Variants in COQ10A observed in about 807,000 individuals in gnomAD.
COQ10A encodes the protein coenzyme Q-binding protein COQ10 homolog A, mitochondrial.
COQ10A carries 25 observed loss-of-function variants against 26.1 expected under a neutral mutation model. The ratio of observed to expected loss-of-function variants is 0.96; its 90% confidence interval spans 0.70 to 1.34. The LOEUF (loss-of-function observed/expected upper bound fraction) is 1.34. Among genes scored for constraint, COQ10A ranks in the 40% most tolerant of loss-of-function variants. COQ10A has a pLI of 0.00. For synonymous variants in COQ10A, 132 were observed against 124.0 expected (o/e 1.06, Z -0.43); for missense variants, 312 against 335.4 (o/e 0.93, Z 0.54).
At chr12:56,269,955 C>T (rs1872463304) in intron 4 of COQ10A, 195 bp from the exon 5 acceptor site, 9 of 617,150 alleles carry the variant, frequency 1.5e-5, no homozygotes, top group Non-Finnish European at 1.7e-5. Context: ...GTATAGCTAG[C>T]ATTTCCCAAG....
At chr12:56,268,903 C>G (rs961887733) in intron 2 of COQ10A, 156 bp from the exon 3 acceptor site, 2 of 625,812 alleles carry the variant, frequency 3.2e-6, no homozygotes, top group Non-Finnish European at 2.9e-6. Flanking sequence ...AGGATTTACA[C>G]GTTTGCTTTT....
rs1872430048 is a variant in COQ10A, at chr12:56,269,068, G to T, written c.291G>T (p.Met97Ile). The T allele has an allele frequency of 1.2e-6, 2 of 1,613,592 alleles. No individual in the cohort carries two copies. The highest frequency in any genetic ancestry group is 1.7e-6 in the Non-Finnish European group (2 of 1,179,954). ...ATTCTTCTTCTCCTAGGTACTCAAT[G>T]CAGGAGATGTATGAGGTGGTGTCCA... ...YSERRIMGYSMQEMYEVVSNV... is the reference protein window; with the variant it reads ...YSERRIMGYSIQEMYEVVSNV... Residue 97 changes from methionine (M) to isoleucine (I), a missense_variant, in exon 3 of 5, where the codon ATG (methionine) becomes ATT (isoleucine). Transcript: ENST00000308197.
In COQ10A at chr12:56,269,242, C is replaced by G. The variant is rs1275417071; in HGVS notation, c.465C>G (p.His155Gln). The G allele has an allele frequency of 6.2e-7, 1 of 1,613,918 alleles. No homozygotes were observed. Among genetic ancestry groups the G allele is most frequent in the Non-Finnish European group, 8.5e-7 (1 of 1,179,926 alleles). Residue 155 changes from histidine (H) to glutamine (Q), a missense_variant, in exon 3 of 5, where the codon CAC becomes CAG. By Grantham distance (24) the His-to-Gln change is conservative (BLOSUM62 0). Coordinates refer to ENST00000308197, the MANE Select transcript of COQ10A (RefSeq NM_144576.4). The stretch of plus-strand genomic sequence containing the variant: ...CTGCAGTTTCCATGGTCAAACCTCA[C>G]ATGGTCAAGGTGAGGCCTGTATGGG... ...YTSAVSMVKP[H>Q]MVKAVCTDGK...
rs1278567198 is a variant in COQ10A at position 56,269,255 on chromosome 12, A to C, written c.474+4A>C. The C allele has an allele frequency of 6.2e-7, 1 of 1,612,998 alleles. No individual in the cohort carries two copies. The highest frequency in any genetic ancestry group is 1.1e-5 in the South Asian group (1 of 91,070). On this transcript the variant is annotated splice_donor_region_variant and intron_variant, in intron 3 of 4. Coordinates refer to ENST00000308197, the MANE Select transcript of COQ10A (RefSeq NM_144576.4). ...GGTCAAACCTCACATGGTCAAGGTG[A>C]GGCCTGTATGGGAGGGATTGACAAG...
chr12:56,269,417 A>G (rs747448469), intron 3 of COQ10A, 43 bp from the exon 4 acceptor site: 1 of 1,513,306 alleles, frequency 6.6e-7, no homozygotes, highest in East Asian at 2.3e-5. Flanking sequence ...ATTGTATCCT[A>G]TACTTAGTAA....
Position 56,267,836 on chromosome 12 carries a change from G to T in COQ10A, c.177G>T (p.Gln59His), listed in dbSNP as rs1838740516. The T allele has an allele frequency of 6.2e-7, 1 of 1,614,220 alleles. No individual in the cohort carries two copies. Among genetic ancestry groups the T allele is most frequent in the Non-Finnish European group, 8.5e-7 (1 of 1,180,040 alleles). ...SCSLLLPRAA[Q>H]ILAAEAGLPS... ...GCCTCCTCTTGCCTCGGGCTGCCCA[G>T]ATCTTGGCGGCTGAGGCTGGCTTAC... is the stretch of plus-strand genomic sequence containing the variant. The change falls in exon 2 of 5, where the codon CAG (glutamine) becomes CAT (histidine). Residue 59 changes from glutamine to histidine, a missense_variant. Transcript: ENST00000308197.
chr12:56,269,395 C>T (rs747885769), intron 3 of COQ10A, 65 bp from the exon 4 acceptor site: 6 of 1,483,758 alleles, frequency 4.0e-6, no homozygotes, highest in Non-Finnish European at 5.6e-6. Context: ...AAATGGCTTT[C>T]AATTCCTTTA....
Position 56,268,316 on chromosome 12 carries a change from A to AC in COQ10A, c.281+376_281+377insC, listed in dbSNP as rs534399102. 3.1e-3 allele frequency: 639 copies of AC among 204,412 alleles called. 6 individuals carry two copies. The highest frequency in any genetic ancestry group is 0.013 in the African/African-American group (548 of 42,558). 12.7% of individuals were successfully genotyped at this position (204,412 alleles called of 1,614,324 possible). The stretch of plus-strand genomic sequence containing the variant: ...TGAAACCCTGTCTCCACTAAAAAAA[A>AC]ACACACACACAAGAATCAGCCTGGC... On this transcript the variant is annotated intron_variant, in intron 2 of 4. Coordinates refer to ENST00000308197, the MANE Select transcript of COQ10A (RefSeq NM_144576.4).
At chr12:56,267,537 C>A in intron 1 of COQ10A, 4 of 1,418,716 alleles carry the variant, frequency 2.8e-6, no homozygotes, top group South Asian at 1.2e-5. Flanking sequence ...TAGGCCCAGT[C>A]AAAGGCAACT....
chr12:56,267,062 G>A lies in COQ10A; in HGVS notation c.-57G>A. On this transcript the variant is annotated 5_prime_UTR_variant, in exon 1 of 5. Coordinates refer to ENST00000308197, the MANE Select transcript of COQ10A (RefSeq NM_144576.4). ...CGCTGCCTCTTGCCGCTCCGCCTTT[G>A]GAGTGAGGAGGGCGCAGCCCGCGTC... 1 of 1,247,186 alleles carries A rather than the reference G, an allele frequency of 8.0e-7. No homozygotes were observed. The highest frequency in any genetic ancestry group is 1.0e-6 in the Non-Finnish European group (1 of 996,192). 77.3% of individuals were successfully genotyped at this position (1,247,186 alleles called of 1,614,324 possible).
Position 56,270,347 on chromosome 12 carries a change from T to C in COQ10A, c.*30T>C. The C allele has an allele frequency of 6.2e-7, 1 of 1,603,140 alleles. No individual in the cohort carries two copies. The highest frequency in any genetic ancestry group is 8.5e-7 in the Non-Finnish European group (1 of 1,171,368). Reference sequence around the variant, plus strand: ...AGGGATTGCTCCCTGACCTCCCTTCTACCCCACTTCCCTACACAATTCTCT... The same window carrying C: ...AGGGATTGCTCCCTGACCTCCCTTCCACCCCACTTCCCTACACAATTCTCT... On this transcript the variant is annotated 3_prime_UTR_variant, in exon 5 of 5. Coordinates refer to ENST00000308197, the MANE Select transcript of COQ10A (RefSeq NM_144576.4).
intron 2 of COQ10A, chr12:56,268,691 T>C (rs1431910647): frequency 1.5e-5 from 3 of 195,202 alleles, no homozygotes; most frequent in Non-Finnish European, 3.2e-5. Flanking sequence ...AACCTATAAA[T>C]CAGGTGAGAA....
At chr12:56,267,613 C>T in intron 1 of COQ10A, 181 bp from the exon 2 acceptor site, 3 of 1,161,364 alleles carry the variant, frequency 2.6e-6, no homozygotes, top group Non-Finnish European at 2.5e-6. Context: ...CCTTAGCTGC[C>T]CTCGACCTTT....
chr12:56,270,149 G>C lies in COQ10A; in HGVS notation c.577-1G>C. 1.2e-6 allele frequency: 2 copies of C among 1,613,478 alleles called. No individual in the cohort carries two copies. Among genetic ancestry groups the C allele is most frequent in the Non-Finnish European group, 8.5e-7 (1 of 1,179,524 alleles). The stretch of plus-strand genomic sequence containing the variant: ...TCTGACTGTCTCTTACCCATTCCCA[G>C]ATTTCCTTTGAATTTCGTTCTCTGC... On this transcript the variant is annotated splice_acceptor_variant, in intron 4 of 4. Coordinates refer to ENST00000308197, the MANE Select transcript of COQ10A (RefSeq NM_144576.4). LOFTEE classifies it high-confidence loss of function.
chr12:56,267,201 G>A lies in COQ10A; in HGVS notation c.83G>A (p.Gly28Asp), dbSNP rs774449212. 5 of 1,411,810 alleles carry A rather than the reference G, an allele frequency of 3.5e-6. No individual in the cohort carries two copies. The highest frequency in any genetic ancestry group is 1.5e-5 in the African/African-American group (1 of 67,002). The allele number at this position is 1,411,810 out of a possible 1,614,324, so 87.5% of individuals were successfully genotyped here. The part of the protein sequence containing the change: ...ERCCRLSLSP[G>D]AQPAPPPGPL... ...TGCTGCCGGCTCTCGCTCAGCCCGGGCGCGCAACCGGCCCCGCCCCCAGGC... is the reference window on the plus strand; with the variant it reads ...TGCTGCCGGCTCTCGCTCAGCCCGGACGCGCAACCGGCCCCGCCCCCAGGC... The change falls in exon 1 of 5, where the codon GGC becomes GAC. Residue 28 changes from glycine (G) to aspartate (D), a missense_variant. By Grantham distance (94) the Gly-to-Asp change is moderately conservative. Coordinates refer to ENST00000308197, the MANE Select transcript of COQ10A (RefSeq NM_144576.4).
At chr12:56,269,961 C>A in intron 4 of COQ10A, 189 bp from the exon 5 acceptor site, 1 of 628,568 alleles carries the variant, frequency 1.6e-6, no homozygotes, top group South Asian at 1.9e-5. Context: ...CTAGCATTTC[C>A]CAAGTCAGTT....
Position 56,267,043 on chromosome 12 carries a change from C to T in COQ10A, c.-76C>T, listed in dbSNP as rs1030444530. ...GGTCCCGAACCAGCCCAGCCGCTGCCTCTTGCCGCTCCGCCTTTGGAGTGA... is the reference window on the plus strand; with the variant it reads ...GGTCCCGAACCAGCCCAGCCGCTGCTTCTTGCCGCTCCGCCTTTGGAGTGA... On this transcript the variant is annotated 5_prime_UTR_variant, in exon 1 of 5. Coordinates refer to ENST00000308197, the MANE Select transcript of COQ10A (RefSeq NM_144576.4). The T allele has an allele frequency of 4.9e-6, 6 of 1,214,036 alleles. No individual in the cohort carries two copies. The highest frequency in any genetic ancestry group is 3.3e-4 in the Middle Eastern group (1 of 3,038). 75.2% of individuals were successfully genotyped at this position (1,214,036 alleles called of 1,614,324 possible). A position where few individuals can be genotyped will look rare whatever the true frequency, so the allele number is the denominator to read the frequency against.
chr12:56,269,432 A>T (rs1426471963), intron 3 of COQ10A, 28 bp from the exon 4 acceptor site: 1 of 1,560,762 alleles, frequency 6.4e-7, no homozygotes, highest in South Asian at 1.1e-5. Flanking sequence ...TAGTAATGTT[A>T]TTTAACTACC....
chr12:56,267,762 A>G, intron 1 of COQ10A, 32 bp from the exon 2 acceptor site: 2 of 1,613,860 alleles, frequency 1.2e-6, no homozygotes, highest in Middle Eastern at 1.6e-4. Context: ...ACGAAGAACT[A>G]TACGGTTGGC....
Sources: gnomAD v4.1 joint callset for allele counts on GRCh38, gnomAD v4.1.1 for gene constraint, MANE v1.5 for transcripts, NCBI Gene and HGNC (gene_info 2026-07-23, HGNC 2026-07-21) for gene names.